The following CACNA1B variants were observed in gnomAD, a reference collection of about 807,000 sequenced individuals.
CACNA1B encodes the protein calcium voltage-gated channel subunit alpha1 B.
In CACNA1B, 70 loss-of-function variants were observed where a neutral mutation model predicts 247.2. The ratio of observed to expected loss-of-function variants is 0.28; its 90% CI spans 0.23 to 0.35. The LOEUF (loss-of-function observed/expected upper bound fraction) is 0.35. CACNA1B is among the 10% of genes least tolerant of loss of function. The probability of loss-of-function intolerance (pLI) is 1.00; values close to 1 mark genes in which losing one functional copy is unlikely to be tolerated. For missense variants in CACNA1B, 2,367 were observed against 3,197.4 expected (o/e 0.74, Z 6.26); for synonymous variants, 1,231 against 1,294.4 (o/e 0.95, Z 1.05).
chr9:138,006,150 G>C (rs953117510), intron 15 of CACNA1B, among the ~76,000 whole-genome samples: 4 of 152,132 alleles, frequency 2.6e-5, no homozygotes, highest in African/African-American at 7.2e-5. Flanking sequence ...AGTTGGTCAC[G>C]GGGAGGGGGA....
chr9:137,993,259 GATAA>G (rs1958454061), intron 15 of CACNA1B, among the ~76,000 whole-genome samples: 1 of 151,884 alleles, frequency 6.6e-6, no homozygotes, highest in African/African-American at 2.4e-5. Context: ...GTTCTTTTTA[GATAA>G]ATAAAAAGAT....
At position 137,973,795 on chromosome 9, in the gene CACNA1B, A is replaced by T; in HGVS notation, c.1544-2112A>T. Among the ~76,000 whole-genome samples, 1 of 152,158 alleles carries T rather than the reference A, an allele frequency of 6.6e-6. No homozygotes were observed. Among genetic ancestry groups the T allele is most frequent in the Non-Finnish European group, 1.5e-5 (1 of 68,016 alleles). On this transcript the variant is annotated intron_variant, in intron 11 of 46. Coordinates refer to ENST00000371372, the MANE Select transcript of CACNA1B (RefSeq NM_000718.4). This position sits in a 1 kb window ranked among gnomAD's most constrained non-coding sequence, Gnocchi z 4.1. ...AGTGGAGGCTGAGTATGTGAGGCTGAGGGCCTCTGTTCCTAGGGAGAGTGA... is the reference window on the plus strand; with the variant it reads ...AGTGGAGGCTGAGTATGTGAGGCTGTGGGCCTCTGTTCCTAGGGAGAGTGA...
In CACNA1B at chr9:138,120,759, G is replaced by A. The variant is rs1404670053; in HGVS notation, c.6367G>A (p.Glu2123Lys). ...GAGGCAGCCCTCATCCTCCTCCTCG[G>A]AGAAGCAGCGCTTCTACTCCTGCGA... ...ERRQPSSSSS[E>K]KQRFYSCDRF... is the part of the protein sequence containing the mutation. Residue 2123 changes from glutamate (E) to lysine (K), a missense_variant, in exon 46 of 47, where the codon GAG becomes AAG. Glu to Lys is a moderately conservative substitution (Grantham distance 56). Transcript: ENST00000371372. 3.2e-6 allele frequency: 5 copies of A among 1,549,606 alleles called. No individual in the cohort carries two copies. Among genetic ancestry groups the A allele is most frequent in the African/African-American group, 1.4e-5 (1 of 72,724 alleles).
At chr9:137,921,586 TC>T (rs1957479910) in intron 6 of CACNA1B, among the ~76,000 whole-genome samples, 1 of 138,164 alleles carries the variant, frequency 7.2e-6, no homozygotes, top group African/African-American at 2.8e-5. Context: ...GAGAACATGA[TC>T]AACACCACGA....
chr9:137,885,459 T>G (rs538756692), intron 3 of CACNA1B, among the ~76,000 whole-genome samples: 3 of 151,304 alleles, frequency 2.0e-5, no homozygotes, highest in Non-Finnish European at 2.9e-5. Context: ...TAGTTTGTTG[T>G]TTTTAATTAG....
intron 3 of CACNA1B, among the ~76,000 whole-genome samples, chr9:137,895,168 C>T (rs1374027305): frequency 1.3e-5 from 2 of 152,146 alleles, no homozygotes; most frequent in African/African-American, 4.8e-5. Context: ...CTTGTCTGGA[C>T]CTATTTCTGG....
At position 137,950,003 on chromosome 9, in the gene CACNA1B, A is replaced by G. The variant is rs1450966762; in HGVS notation, c.967-2271A>G. On this transcript the variant is annotated intron_variant, in intron 6 of 46. Coordinates refer to ENST00000371372, the MANE Select transcript of CACNA1B (RefSeq NM_000718.4). The surrounding 1 kb of genome is among the most constrained non-coding windows in gnomAD (Gnocchi z 4.8). Reference sequence around the variant, plus strand: ...AGTGAGTTTCAGTTGAAAACTGGCCATTTTTGGCCTTTCAGCATGGGACCT... The same window carrying G: ...AGTGAGTTTCAGTTGAAAACTGGCCGTTTTTGGCCTTTCAGCATGGGACCT... Among the ~76,000 whole-genome samples, 1 of 152,138 alleles carries G rather than the reference A, an allele frequency of 6.6e-6. No homozygotes were observed. Among genetic ancestry groups the G allele is most frequent in the Non-Finnish European group, 1.5e-5 (1 of 68,014 alleles).
In CACNA1B at chr9:137,955,611, C is replaced by T; in HGVS notation, c.1071-87C>T. 2 of 889,932 alleles carry T rather than the reference C, an allele frequency of 2.2e-6. No individual in the cohort carries two copies. The highest frequency in any genetic ancestry group is 3.2e-5 in the South Asian group (2 of 62,970). The allele number at this position is 889,932 out of a possible 1,614,324, so 55.1% of individuals were successfully genotyped here. A position where few individuals can be genotyped will look rare whatever the true frequency, so the allele number is the denominator to read the frequency against. On this transcript the variant is annotated intron_variant, in intron 7 of 46. Transcript: ENST00000371372. The surrounding 1 kb of genome is among the most constrained non-coding windows in gnomAD (Gnocchi z 6.9). Reference sequence around the variant, plus strand: ...TGCAGCCTGCGTCTCCTGTCCCAGGCTTTCCCTGGTCCTTTTTGTCTCTGG... The same window carrying T: ...TGCAGCCTGCGTCTCCTGTCCCAGGTTTTCCCTGGTCCTTTTTGTCTCTGG...
intron 36 of CACNA1B, among the ~76,000 whole-genome samples, chr9:138,079,610 G>A (rs1016378809): frequency 6.6e-6 from 1 of 151,978 alleles, no homozygotes; most frequent in Non-Finnish European, 1.5e-5. Flanking sequence ...AGACGTGGTG[G>A]CAGGTACCTG....
chr9:138,113,149 G>A (rs965621933), intron 40 of CACNA1B, among the ~76,000 whole-genome samples: 4 of 148,994 alleles, frequency 2.7e-5, no homozygotes, highest in African/African-American at 1.0e-4. Flanking sequence ...ACGGGGAGGT[G>A]CCCAACTCCA....
At chr9:138,115,012 G>A (rs907089623) in intron 41 of CACNA1B, among the ~76,000 whole-genome samples, 1 of 152,144 alleles carries the variant, frequency 6.6e-6, no homozygotes, top group African/African-American at 2.4e-5. Context: ...AAATTGTCTA[G>A]ATGTCCAGGG....
At chr9:137,927,150 A>G (rs1312215075) in intron 6 of CACNA1B, among the ~76,000 whole-genome samples, 2 of 151,736 alleles carry the variant, frequency 1.3e-5, no homozygotes, top group African/African-American at 4.8e-5. Context: ...TTCTTTTAAG[A>G]GTTTTACTTT....
intron 31 of CACNA1B, among the ~76,000 whole-genome samples, chr9:138,060,135 C>G (rs10121368): frequency 0.052 from 7,858 of 152,230 alleles, 685 homozygotes; most frequent in African/African-American, 0.18. Context: ...CTCTATCTCT[C>G]TCTATATATA....
intron 7 of CACNA1B, among the ~76,000 whole-genome samples, chr9:137,953,322 T>C (rs548874196): frequency 6.6e-6 from 1 of 152,322 alleles, no homozygotes; most frequent in African/African-American, 2.4e-5. Flanking sequence ...ATCTCCCCTC[T>C]GTCCTCACTA....
chr9:137,896,131 C>T (rs1434386115), intron 3 of CACNA1B, among the ~76,000 whole-genome samples: 1 of 149,828 alleles, frequency 6.7e-6, no homozygotes, highest in African/African-American at 2.5e-5. Context: ...CCCACCTACT[C>T]GGGAGGCTGA....
chr9:138,102,022 C>CA lies in CACNA1B; in HGVS notation c.5223-689_5223-688insA, dbSNP rs1961269628. Among the ~76,000 whole-genome samples the CA allele has an allele frequency of 6.6e-6, 1 of 152,208 alleles. No individual in the cohort carries two copies. The highest frequency in any genetic ancestry group is 2.4e-5 in the African/African-American group (1 of 41,458). Reference sequence around the variant, plus strand: ...GCCATGTCCTGCCAGCTCCTCCCCCCTCCCGCAGTCTCCCATTTCCCACCC... The same window carrying CA: ...GCCATGTCCTGCCAGCTCCTCCCCCCATCCCGCAGTCTCCCATTTCCCACCC... On this transcript the variant is annotated intron_variant, in intron 37 of 46. Coordinates refer to ENST00000371372, the MANE Select transcript of CACNA1B (RefSeq NM_000718.4). The surrounding 1 kb of genome is among the most constrained non-coding windows in gnomAD (Gnocchi z 5.4).
At position 138,043,795 on chromosome 9, in the gene CACNA1B, G is replaced by A; in HGVS notation, c.3308G>A (p.Ser1103Asn). 2.5e-6 allele frequency: 4 copies of A among 1,613,938 alleles called. No homozygotes were observed. Among genetic ancestry groups the A allele is most frequent in the South Asian group, 1.1e-5 (1 of 91,080 alleles). Residue 1103 changes from serine to asparagine, a missense_variant, in exon 21 of 47, where the codon AGC (serine) becomes AAC (asparagine). Ser to Asn is a conservative substitution (Grantham distance 46, BLOSUM62 1). Around this residue, in one of 12 missense-constraint regions of CACNA1B, gnomAD observed 631 missense variants for 631.1 expected, o/e 1.00. Coordinates refer to ENST00000371372, the MANE Select transcript of CACNA1B (RefSeq NM_000718.4). ...VVPSGNVDLE[S>N]QAEGKKEVEA... ...GTAGGTGGTAACGTGGACCTGGAAAGCCAAGCAGAGGGGAAGAAGGAGGTG... is the reference window on the plus strand; with the variant it reads ...GTAGGTGGTAACGTGGACCTGGAAAACCAAGCAGAGGGGAAGAAGGAGGTG...
In CACNA1B at chr9:138,053,699, A is replaced by G. The variant is rs537890875; in HGVS notation, c.3808-147A>G. The G allele has an allele frequency of 1.7e-5, 3 of 173,708 alleles. No individual in the cohort carries two copies. The East Asian group carries it at 3.4e-4, about 20-fold the overall frequency. The allele number at this position is 173,708 out of a possible 1,614,324, so 10.8% of individuals were successfully genotyped here. A position where few individuals can be genotyped will look rare whatever the true frequency, so the allele number is the denominator to read the frequency against. Reference sequence around the variant, plus strand: ...CACCCCTTTCCTCATGGCCCCACCCATTCCCTTACGGCCATGCCCTCCCAC... The same window carrying G: ...CACCCCTTTCCTCATGGCCCCACCCGTTCCCTTACGGCCATGCCCTCCCAC... On this transcript the variant is annotated intron_variant, in intron 25 of 46. Transcript: ENST00000371372.
chr9:137,884,627 G>A (rs2133225864), intron 3 of CACNA1B, among the ~76,000 whole-genome samples: 2 of 150,522 alleles, frequency 1.3e-5, no homozygotes, highest in East Asian at 3.9e-4. Flanking sequence ...GGGCACCCAG[G>A]AGGGGCAGTG....
Sources: gnomAD v4.1 joint callset for allele counts (sites outside exome capture counted in the v4.1 genomes callset) on GRCh38, gnomAD v4.1.1 for gene constraint, gnomAD v4.1.1 regional missense constraint, Gnocchi (gnomAD v3.1) non-coding constraint, MANE v1.5 for transcripts, NCBI Gene and HGNC (gene_info 2026-07-23, HGNC 2026-07-21) for gene names.